GPR137B: variants seen among roughly 807,000 people sequenced by gnomAD.
The protein encoded by GPR137B is integral membrane protein GPR137B.
In GPR137B, 42 loss-of-function variants were observed where a neutral mutation model predicts 42.5. The observed-to-expected ratio is 0.99, with a 90% CI of 0.77 to 1.28. GPR137B has a LOEUF of 1.28. GPR137B is among the 50% of genes most tolerant of loss of function. The pLI is 0.00. For synonymous variants in GPR137B, 218 were observed against 209.7 expected, an observed-to-expected ratio of 1.04 and a Z score of -0.34; for missense variants, 487 against 493.9, an observed-to-expected ratio of 0.99 and a Z score of 0.13.
At chr1:236,163,916 T>C (rs1662270432) in intron 1 of GPR137B, among the ~76,000 whole-genome samples, 2 of 149,912 alleles carry the variant, frequency 1.3e-5, no homozygotes, top group Admixed American at 6.6e-5. Context: ...CTCCCATACC[T>C]CGACACACTT....
chr1:236,174,837 A>G (rs1662637786), intron 2 of GPR137B, among the ~76,000 whole-genome samples: 1 of 152,056 alleles, frequency 6.6e-6, no homozygotes, highest in Admixed American at 6.6e-5. Context: ...ACAGAGCAAG[A>G]CCCCAACTCA....
Position 236,156,394 on chromosome 1 carries a change from C to T in GPR137B, c.415-12312C>T, listed in dbSNP as rs1022202208. 7.2e-5 allele frequency among the ~76,000 whole-genome samples: 11 copies of T among 152,204 alleles called. No homozygotes were observed. Among genetic ancestry groups the T allele is most frequent in the Non-Finnish European group, 1.5e-4 (10 of 68,032 alleles). The stretch of plus-strand genomic sequence containing the variant: ...TCCCAGAACTTTATGGCATGGACAG[C>T]GTGCTTGCTTGCCTTTTCTGGCCAG... On this transcript the variant is annotated intron_variant, in intron 1 of 6. Coordinates refer to ENST00000366592, the MANE Select transcript of GPR137B (RefSeq NM_003272.4). The surrounding 1 kb of genome is among the most constrained non-coding windows in gnomAD (Gnocchi z 4.8).
At chr1:236,201,960 C>T (rs55889770) in intron 5 of GPR137B, among the ~76,000 whole-genome samples, 2,046 of 151,990 alleles carry the variant, frequency 0.013, 82 homozygotes, top group African/African-American at 0.048. Context: ...GGGTTGCTTC[C>T]CCTTCTCCTA....
At chr1:236,173,931 A>G (rs1455123497) in intron 2 of GPR137B, among the ~76,000 whole-genome samples, 2 of 86,908 alleles carry the variant, frequency 2.3e-5, no homozygotes, top group African/African-American at 5.7e-5. Flanking sequence ...GGATATTAGG[A>G]AAAAAATTAT....
At chr1:236,194,382 T>G (rs1455778282) in intron 5 of GPR137B, among the ~76,000 whole-genome samples, 2 of 152,188 alleles carry the variant, frequency 1.3e-5, no homozygotes, top group Admixed American at 1.3e-4. Flanking sequence ...TTCATTCTTT[T>G]GCGCGTGGCT....
At chr1:236,194,110 C>A (rs1309256605) in intron 5 of GPR137B, among the ~76,000 whole-genome samples, 4 of 152,168 alleles carry the variant, frequency 2.6e-5, no homozygotes, top group Non-Finnish European at 4.4e-5. Context: ...ATGTATAGAG[C>A]AGTGAGGCAC....
At chr1:236,160,610 T>C (rs1430249928) in intron 1 of GPR137B, among the ~76,000 whole-genome samples, 1 of 152,224 alleles carries the variant, frequency 6.6e-6, no homozygotes, top group Non-Finnish European at 1.5e-5. Context: ...ATAACCTCTT[T>C]CTTGCATTTC....
chr1:236,169,467 T>C (rs1662469178), intron 2 of GPR137B, among the ~76,000 whole-genome samples: 1 of 152,230 alleles, frequency 6.6e-6, no homozygotes, highest in African/African-American at 2.4e-5. Flanking sequence ...GAAGAATGTG[T>C]TATAGCTGAG....
chr1:236,183,944 C>T (rs778495404), intron 5 of GPR137B, 38 bp downstream of exon 5: 8 of 1,474,324 alleles, frequency 5.4e-6, no homozygotes, highest in South Asian at 1.2e-5. Context: ...AAAATGTCTC[C>T]TAATTCTGAT....
At chr1:236,181,367 G>A (rs1448979421) in intron 4 of GPR137B, among the ~76,000 whole-genome samples, 1 of 151,650 alleles carries the variant, frequency 6.6e-6, no homozygotes, top group African/African-American at 2.4e-5. Context: ...TGGGCACTGT[G>A]CAAAGTGCCA....
intron 5 of GPR137B, among the ~76,000 whole-genome samples, chr1:236,186,909 C>CT (rs1239669620): frequency 2.0e-5 from 3 of 152,136 alleles, no homozygotes; most frequent in African/African-American, 7.2e-5. Context: ...GTTCTAGATC[C>CT]TTGAGGAATT....
At position 236,142,972 on chromosome 1, in the gene GPR137B, TCTA is replaced by T. The variant is rs1446383525; in HGVS notation, c.353_355del (p.Tyr118del). 6.2e-7 allele frequency: 1 copy of T among 1,614,062 alleles called. No individual in the cohort carries two copies. Among genetic ancestry groups the T allele is most frequent in the East Asian group, 2.2e-5 (1 of 44,872 alleles). On this transcript the variant is annotated inframe_deletion, in exon 1 of 7. Coordinates refer to ENST00000366592, the MANE Select transcript of GPR137B (RefSeq NM_003272.4). The stretch of plus-strand genomic sequence containing the variant: ...CTCAGCCCCTTCGTCTTCTGGCTGC[TCTA>T]CTGCTTCCCTGTGTGCCTGCAGTTT...
chr1:236,151,372 C>T (rs1661856363), intron 1 of GPR137B, among the ~76,000 whole-genome samples: 1 of 150,010 alleles, frequency 6.7e-6, no homozygotes, highest in East Asian at 2.0e-4. Context: ...TTATGTGGGT[C>T]AGGATTTTAG....
At chr1:236,192,564 T>C (rs1663223837) in intron 5 of GPR137B, among the ~76,000 whole-genome samples, 1 of 152,002 alleles carries the variant, frequency 6.6e-6, no homozygotes, top group Non-Finnish European at 1.5e-5. Flanking sequence ...TCAGGTTCAG[T>C]CCCTCATGGC....
chr1:236,207,567 G>A (rs1030421076), intron 6 of GPR137B, among the ~76,000 whole-genome samples: 14 of 152,114 alleles, frequency 9.2e-5, no homozygotes, highest in East Asian at 5.8e-4. Context: ...TAATGAAAAC[G>A]ACTTACGTGT....
Position 236,142,678 on chromosome 1 carries a change from C to A in GPR137B, c.56C>A (p.Pro19Gln), listed in dbSNP as rs1474629400. Reference sequence around the variant, plus strand: ...AGCGCCCCCGGCCCGATGGAGACCCCGCCGTGGGACCCAGCCCGCAACGAC... The same window carrying A: ...AGCGCCCCCGGCCCGATGGAGACCCAGCCGTGGGACCCAGCCCGCAACGAC... Reference protein sequence around the residue: ...RGSAPGPMETPPWDPARNDSL... With the variant: ...RGSAPGPMETQPWDPARNDSL... Residue 19 changes from proline (P) to glutamine (Q), a missense_variant, in exon 1 of 7, where the codon CCG becomes CAG. Pro to Gln is a moderately conservative substitution (Grantham distance 76, BLOSUM62 -1). Coordinates refer to ENST00000366592, the MANE Select transcript of GPR137B (RefSeq NM_003272.4). 1 of 1,558,514 alleles carries A rather than the reference C, an allele frequency of 6.4e-7. No homozygotes were observed.
chr1:236,160,051 G>T (rs1457988244), intron 1 of GPR137B, among the ~76,000 whole-genome samples: 1 of 152,220 alleles, frequency 6.6e-6, no homozygotes, highest in African/African-American at 2.4e-5. Context: ...GAGGTTCTAG[G>T]TGGGACTTTC....
rs1414843702 is a variant in GPR137B, at chr1:236,183,882, A to C, written c.942A>C (p.Arg314=). The C allele has an allele frequency of 1.2e-6, 2 of 1,608,800 alleles. No homozygotes were observed. The highest frequency in any genetic ancestry group is 2.7e-5 in the African/African-American group (2 of 74,780). Residue 314 remains arginine (R), a synonymous_variant, in exon 5 of 7, where the codon CGA becomes CGC. Coordinates refer to ENST00000366592, the MANE Select transcript of GPR137B (RefSeq NM_003272.4). ...LPTTLVVYFF[R]VRNPTKDLTN... is the part of the protein sequence containing the mutation. ...CCACCTTAGTCGTTTATTTCTTCCG[A>C]GTTAGAAATCCTACAAAGGACCTTG...
At position 236,154,930 on chromosome 1, in the gene GPR137B, A is replaced by G. The variant is rs561813449; in HGVS notation, c.414+11894A>G. Among the ~76,000 whole-genome samples, 22 of 152,216 alleles carry G rather than the reference A, an allele frequency of 1.4e-4. No individual in the cohort carries two copies. The East Asian group carries it at 2.5e-3, about 17-fold the overall frequency. Reference sequence around the variant, plus strand: ...CTAATGTGTCACCTTCCTTAAGTACATTTAGAACAATTAGGGGCAGGGCCC... The same window carrying G: ...CTAATGTGTCACCTTCCTTAAGTACGTTTAGAACAATTAGGGGCAGGGCCC... On this transcript the variant is annotated intron_variant, in intron 1 of 6. Transcript: ENST00000366592.
Sources: gnomAD v4.1 joint callset for allele counts (sites outside exome capture counted in the v4.1 genomes callset) on GRCh38, gnomAD v4.1.1 for gene constraint, Gnocchi (gnomAD v3.1) non-coding constraint, MANE v1.5 for transcripts, NCBI Gene and HGNC (gene_info 2026-07-23, HGNC 2026-07-21) for gene names.